The following GCNT1 variants were observed in gnomAD, a reference collection of about 807,000 sequenced individuals.
GCNT1 encodes the protein glucosaminyl (N-acetyl) transferase 1, also known as beta-1,3-galactosyl-O-glycosyl-glycoprotein beta-1,6-N-acetylglucosaminyltransferase.
Under a neutral mutation model 26.2 loss-of-function variants are expected in GCNT1, and 16 were observed. The ratio of observed to expected loss-of-function variants is 0.61; its 90% CI spans 0.41 to 0.93. The LOEUF (loss-of-function observed/expected upper bound fraction) is 0.93. Among genes scored for constraint, GCNT1 ranks in the 40% least tolerant of loss-of-function variants. The pLI is 0.00. For missense variants in GCNT1, 477 were observed against 526.7 expected, an observed-to-expected ratio of 0.91 and a Z score of 0.92; for synonymous variants, 183 against 190.8, an observed-to-expected ratio of 0.96 and a Z score of 0.34.
In GCNT1 at chr9:76,475,365, A is replaced by G. The variant is rs184164520; in HGVS notation, c.-290+15188A>G. Among the ~76,000 whole-genome samples the G allele has an allele frequency of 2.9e-3, 448 of 152,304 alleles. 1 individual carries two copies. The highest frequency in any genetic ancestry group is 0.017 in the Middle Eastern group (5 of 294). The stretch of plus-strand genomic sequence containing the variant: ...TCTTAACACTGAAGCCTCCAAAAAG[A>G]GAATCTGTAACATTCATATTCGCAG... On this transcript the variant is annotated intron_variant, in intron 2 of 3. Transcript: ENST00000376730.
At chr9:76,459,171 C>T (rs1475769203), upstream of GCNT1, 1 of 152,350 alleles carries the variant, frequency 6.6e-6, no homozygotes, top group Non-Finnish European at 1.5e-5. Context: ...GGGGCGGCCC[C>T]GGGGCGGGCC....
At chr9:76,424,730 T>C (rs922938916) in intron 1 of GCNT1, among the ~76,000 whole-genome samples, 1 of 152,222 alleles carries the variant, frequency 6.6e-6, no homozygotes, top group Non-Finnish European at 1.5e-5. Context: ...AAGTGGCATA[T>C]TGGTGTTAAG....
At chr9:76,466,591 T>G (rs937276069) in intron 2 of GCNT1, among the ~76,000 whole-genome samples, 2 of 152,194 alleles carry the variant, frequency 1.3e-5, no homozygotes, top group African/African-American at 4.8e-5. Context: ...CATGAGCCAC[T>G]GTGTCTGGCC....
At chr9:76,411,603 A>G in the GCNT1 span, among the ~76,000 whole-genome samples, 2 of 151,332 alleles carry the variant, frequency 1.3e-5, no homozygotes, top group Admixed American at 6.6e-5. Flanking sequence ...TGCTGGGATT[A>G]TAAGTGTGAC....
intron 1 of GCNT1, among the ~76,000 whole-genome samples, chr9:76,422,197 G>A (rs557244311): frequency 7.2e-5 from 11 of 152,116 alleles, no homozygotes; most frequent in South Asian, 2.1e-4. Flanking sequence ...TCCCTCTCAC[G>A]ACACATGGAG....
chr9:76,434,479 T>C lies in GCNT1; in HGVS notation n.38+14592T>C, dbSNP rs542130352. 3.3e-4 allele frequency among the ~76,000 whole-genome samples: 51 copies of C among 152,352 alleles called. 1 individual carries two copies. The highest frequency in any genetic ancestry group is 1.2e-3 in the African/African-American group (50 of 41,578). ...CCTGTCTTTAATCTCTTAATCCTGTTATCTTTGTAAGCTGCGGATGTATGT... is the reference window on the plus strand; with the variant it reads ...CCTGTCTTTAATCTCTTAATCCTGTCATCTTTGTAAGCTGCGGATGTATGT... On this transcript the variant is annotated intron_variant and non_coding_transcript_variant, in intron 1 of 3. Transcript: ENST00000488136.
At chr9:76,486,901 C>A (rs1824593719) in intron 2 of GCNT1, among the ~76,000 whole-genome samples, 1 of 150,042 alleles carries the variant, frequency 6.7e-6, no homozygotes, top group Non-Finnish European at 1.5e-5. Context: ...AATGGTGAGA[C>A]CCTCATCTCT....
chr9:76,493,483 C>T (rs879597316), intron 2 of GCNT1, among the ~76,000 whole-genome samples: 4 of 152,196 alleles, frequency 2.6e-5, no homozygotes, highest in African/African-American at 9.7e-5. Flanking sequence ...CTGAAAACTT[C>T]CCCAGGTCTG....
chr9:76,444,626 C>T (rs974628017), intron 1 of GCNT1, among the ~76,000 whole-genome samples: 22 of 152,176 alleles, frequency 1.4e-4, no homozygotes, highest in African/African-American at 4.3e-4. Flanking sequence ...CCTAGAGGCA[C>T]GGGACTAAGC....
chr9:76,503,451 A>G lies in GCNT1; in HGVS notation c.1070A>G (p.Gln357Arg). ...GCAGTTGCCAGGTTTGTCAAGTGGC[A>G]GTACTTTGAGGGTGATGTTTCCAAG... is the stretch of plus-strand genomic sequence containing the variant. ...MQAVARFVKW[Q>R]YFEGDVSKGA... Residue 357 changes from glutamine (Q) to arginine (R), a missense_variant, in exon 4 of 4, where the codon CAG becomes CGG. Physicochemically the swap from Gln to Arg is conservative, Grantham distance 43. Transcript: ENST00000376730. 6.2e-7 allele frequency: 1 copy of G among 1,614,152 alleles called. No individual in the cohort carries two copies. The highest frequency in any genetic ancestry group is 8.5e-7 in the Non-Finnish European group (1 of 1,180,020).
intron 1 of GCNT1, among the ~76,000 whole-genome samples, chr9:76,451,948 C>CTTTTTTTTTTTTTTTTTTTTTTTTTTTTT (rs747978017): frequency 1.0e-5 from 1 of 98,436 alleles, no homozygotes; most frequent in African/African-American, 4.5e-5. Context: ...TTCTTTCTTT[C>CTTTTTTTTTTTTTTTTTTTTTTTTTTTTT]TTTTTTTTTT....
At chr9:76,420,047 A>G (rs1823168963) in intron 1 of GCNT1, 1 of 152,314 alleles carries the variant, frequency 6.6e-6, no homozygotes, top group Admixed American at 6.5e-5. Context: ...ATGAAATTAG[A>G]TGTTATCAAA....
upstream of GCNT1, among the ~76,000 whole-genome samples, chr9:76,454,647 C>T (rs12378822): frequency 0.27 from 41,432 of 150,876 alleles, 6,023 homozygotes; most frequent in Non-Finnish European, 0.32. Flanking sequence ...CAGTTTCCCC[C>T]GTGTTGTTTT....
At chr9:76,408,394 T>G in the GCNT1 span, among the ~76,000 whole-genome samples, 1 of 152,226 alleles carries the variant, frequency 6.6e-6, no homozygotes, top group East Asian at 1.9e-4. Flanking sequence ...TTTTTTAGTC[T>G]GTTGAAATGA....
At chr9:76,399,666 A>G in the GCNT1 span, 1 of 863,752 alleles carries the variant, frequency 1.2e-6, no homozygotes, top group Non-Finnish European at 1.8e-6. Context: ...AAAAAAAAAA[A>G]CCTATTTGTT....
intron 1 of GCNT1, among the ~76,000 whole-genome samples, chr9:76,424,703 C>A (rs1207297007): frequency 6.6e-6 from 1 of 152,080 alleles, no homozygotes; most frequent in Non-Finnish European, 1.5e-5. Context: ...GTGCCCTATT[C>A]AAAATGGAAA....
chr9:76,420,094 A>G (rs1009071134), intron 1 of GCNT1: 5 of 152,258 alleles, frequency 3.3e-5, no homozygotes, highest in Non-Finnish European at 7.3e-5. Context: ...CTTTCATTCC[A>G]GTACCTGATA....
At chr9:76,484,129 C>T (rs1240828594) in intron 2 of GCNT1, among the ~76,000 whole-genome samples, 2 of 152,148 alleles carry the variant, frequency 1.3e-5, no homozygotes, top group Non-Finnish European at 2.9e-5. Context: ...GCCTGTAATC[C>T]TAGCACTTTG....
At chr9:76,498,228 G>A (rs1044926878) in intron 2 of GCNT1, among the ~76,000 whole-genome samples, 8 of 151,944 alleles carry the variant, frequency 5.3e-5, no homozygotes, top group Non-Finnish European at 7.4e-5. Flanking sequence ...TTCAGTTCAC[G>A]GTCATTTGGC....
Sources: gnomAD v4.1 joint callset for allele counts (sites outside exome capture counted in the v4.1 genomes callset) on GRCh38, gnomAD v4.1.1 for gene constraint, MANE v1.5 for transcripts, NCBI Gene and HGNC (gene_info 2026-07-23, HGNC 2026-07-21) for gene names.